Variants in SSBP3 observed in about 807,000 individuals in gnomAD.
The protein encoded by SSBP3 is single stranded DNA binding protein 3, also known as single-stranded DNA-binding protein 3.
Under a neutral mutation model 69.6 loss-of-function variants are expected in SSBP3, and 5 were observed. The ratio of observed to expected loss-of-function variants is 0.07; its 90% CI spans 0.04 to 0.15. The LOEUF is 0.15. Among genes scored for constraint, SSBP3 ranks in the 10% least tolerant of loss-of-function variants. SSBP3 has a pLI of 1.00. For synonymous variants in SSBP3, 196 were observed against 193.4 expected, an observed-to-expected ratio of 1.01 and a Z score of -0.11; for missense variants, 312 against 534.0, an observed-to-expected ratio of 0.58 and a Z score of 4.10.
At chr1:54,334,490 C>A (rs1439411300) in intron 4 of SSBP3, among the ~76,000 whole-genome samples, 1 of 152,178 alleles carries the variant, frequency 6.6e-6, no homozygotes, top group Non-Finnish European at 1.5e-5. Flanking sequence ...TCTACGGACC[C>A]ACTCATTAGC....
intron 1 of SSBP3, 39 bp downstream of exon 1, chr1:54,405,914 C>T: frequency 1.6e-6 from 2 of 1,241,296 alleles, no homozygotes; most frequent in Non-Finnish European, 2.1e-6. Context: ...GCCCGCAGCC[C>T]GGCGGCGGCG....
intron 5 of SSBP3, among the ~76,000 whole-genome samples, chr1:54,279,684 T>C (rs144357235): frequency 1.4e-3 from 207 of 152,220 alleles, no homozygotes; most frequent in African/African-American, 4.6e-3. Flanking sequence ...AATTCCCAAC[T>C]GGACAGAACG....
intron 4 of SSBP3, among the ~76,000 whole-genome samples, chr1:54,352,657 G>T (rs548765854): frequency 2.0e-5 from 3 of 152,240 alleles, no homozygotes; most frequent in Non-Finnish European, 4.4e-5. Context: ...ATGTGCAGCA[G>T]GAAGAAGCTG....
chr1:54,333,056 T>C (rs1569845120), intron 4 of SSBP3, among the ~76,000 whole-genome samples: 3 of 152,290 alleles, frequency 2.0e-5, no homozygotes, highest in Admixed American at 6.5e-5. Context: ...GGCAAACACC[T>C]GGTCACTTCC....
chr1:54,413,313 A>G (rs1184495100), intron 1 of SSBP3: 1 of 152,150 alleles, frequency 6.6e-6, no homozygotes, highest in African/African-American at 2.4e-5. Context: ...ACAGCCCCCA[A>G]ATCTCAGTGG....
At chr1:54,381,336 T>C (rs1647620542) in intron 4 of SSBP3, among the ~76,000 whole-genome samples, 1 of 133,198 alleles carries the variant, frequency 7.5e-6, no homozygotes, top group South Asian at 2.3e-4. Flanking sequence ...TGAGCTGATA[T>C]CGTGACACTG....
At chr1:54,238,558 C>A in intron 14 of SSBP3, 1 of 348,982 alleles carries the variant, frequency 2.9e-6, no homozygotes. Context: ...GCAGGGGACA[C>A]AGGAGGAAGT....
chr1:54,369,010 C>T (rs1647075778), intron 4 of SSBP3, among the ~76,000 whole-genome samples: 1 of 152,208 alleles, frequency 6.6e-6, no homozygotes, highest in Non-Finnish European at 1.5e-5. Flanking sequence ...CACAGCACCA[C>T]ACTCCCCTAA....
chr1:54,227,275 G>A (rs1193073669), intron 17 of SSBP3, 115 bp from the exon 18 acceptor site: 3 of 728,322 alleles, frequency 4.1e-6, no homozygotes, highest in Non-Finnish European at 7.5e-6. Flanking sequence ...CTCATTTGGG[G>A]ATGTGGTTGA....
intron 14 of SSBP3, among the ~76,000 whole-genome samples, chr1:54,233,748 G>GT (rs1050116229): frequency 9.3e-5 from 14 of 151,290 alleles, no homozygotes; most frequent in Non-Finnish European, 1.8e-4. Context: ...CAGCTGCCCC[G>GT]TCCGGGAGGG....
intron 4 of SSBP3, among the ~76,000 whole-genome samples, chr1:54,390,984 T>A (rs1648450369): frequency 1.3e-5 from 2 of 152,236 alleles, no homozygotes; most frequent in Non-Finnish European, 2.9e-5. Flanking sequence ...ACCGGCTGGA[T>A]GGCCAAAGGC....
At chr1:54,292,034 G>A (rs1645617872) in intron 4 of SSBP3, among the ~76,000 whole-genome samples, 1 of 152,182 alleles carries the variant, frequency 6.6e-6, no homozygotes, top group African/African-American at 2.4e-5. Context: ...GGTGGGTGCT[G>A]AGTAGCAATG....
intron 4 of SSBP3, among the ~76,000 whole-genome samples, chr1:54,302,932 G>T (rs374678470): frequency 2.6e-5 from 4 of 152,326 alleles, no homozygotes; most frequent in African/African-American, 9.6e-5. Flanking sequence ...AGGCCCTACT[G>T]GGGGAGACAA....
Position 54,243,196 on chromosome 1 carries a change from C to T in SSBP3, c.716+39G>A, listed in dbSNP as rs192503979. ...GTGCTGGCAGAGGGTGGGGGAAGACCTGGACTCTGAGCCACGGGCCGGGTC... is the reference window on the plus strand; with the variant it reads ...GTGCTGGCAGAGGGTGGGGGAAGACTTGGACTCTGAGCCACGGGCCGGGTC... On this transcript the variant is annotated intron_variant, in intron 10 of 17. Coordinates refer to ENST00000610401, the Ensembl canonical transcript of SSBP3. The T allele has an allele frequency of 1.6e-4, 253 of 1,601,438 alleles. No individual in the cohort carries two copies. The Middle Eastern group carries it at 2.4e-3, about 15-fold the overall frequency.
chr1:54,307,704 C>T (rs1645925600), intron 4 of SSBP3, among the ~76,000 whole-genome samples: 1 of 152,158 alleles, frequency 6.6e-6, no homozygotes, highest in African/African-American at 2.4e-5. Flanking sequence ...CCGGCCAAAA[C>T]CTACCAAAAC....
At chr1:54,405,030 C>G (rs1232854799) in intron 1 of SSBP3, 100 bp from the exon 2 acceptor site, 1 of 1,086,604 alleles carries the variant, frequency 9.2e-7, no homozygotes, top group Non-Finnish European at 1.4e-6. Context: ...CTGTCTGCGC[C>G]GTCCCATTGT....
At chr1:54,230,287 A>T (rs890104390) in intron 14 of SSBP3, among the ~76,000 whole-genome samples, 2 of 152,182 alleles carry the variant, frequency 1.3e-5, no homozygotes, top group African/African-American at 4.8e-5. Context: ...AACCAATTTC[A>T]TGCTTATTAA....
chr1:54,321,222 G>A (rs1646207066), intron 4 of SSBP3, among the ~76,000 whole-genome samples: 1 of 152,242 alleles, frequency 6.6e-6, no homozygotes, highest in Non-Finnish European at 1.5e-5. Flanking sequence ...AGGGAACTCG[G>A]GCTTCACCCT....
At chr1:54,374,397 A>G (rs149679562) in intron 4 of SSBP3, among the ~76,000 whole-genome samples, 2 of 152,214 alleles carry the variant, frequency 1.3e-5, no homozygotes, top group African/African-American at 2.4e-5. Context: ...TAATCTCTTC[A>G]GTAAGCCCCA....
Sources: gnomAD v4.1 joint callset for allele counts (sites outside exome capture counted in the v4.1 genomes callset) on GRCh38, gnomAD v4.1.1 for gene constraint, MANE v1.5 for transcripts, NCBI Gene and HGNC (gene_info 2026-07-23, HGNC 2026-07-21) for gene names.